ARFGEF3: variants seen among roughly 807,000 people sequenced by gnomAD.
ARFGEF3 encodes ARFGEF family member 3.
Under a neutral mutation model 221.7 loss-of-function variants are expected in ARFGEF3, and 96 were observed. That is an observed-to-expected ratio of 0.43 (90% CI 0.37 to 0.51). The LOEUF is 0.51. Among genes scored for constraint, ARFGEF3 ranks in the 20% least tolerant of loss-of-function variants. The probability of loss-of-function intolerance (pLI) is 0.00; values close to 1 mark genes in which losing one functional copy is unlikely to be tolerated. For synonymous variants in ARFGEF3, 1,145 were observed against 1,126.8 expected (o/e 1.02, Z -0.32); for missense variants, 2,410 against 2,789.9 (o/e 0.86, Z 3.07).
At chr6:138,174,425 A>G (rs1322385017) in intron 2 of ARFGEF3, among the ~76,000 whole-genome samples, 1 of 128,660 alleles carries the variant, frequency 7.8e-6, no homozygotes, top group Non-Finnish European at 1.6e-5. Flanking sequence ...TTACTCTGTT[A>G]AATCATTATG....
Position 138,230,758 on chromosome 6 carries a change from A to C in ARFGEF3, c.420+906A>C, listed in dbSNP as rs114460523. ...AGCCAATCAGCTGACCTCTCATTAC[A>C]ATACAAGTCACTTTTAAAATATGGA... On this transcript the variant is annotated intron_variant, in intron 5 of 33. Transcript: ENST00000251691. Among the ~76,000 whole-genome samples the C allele has an allele frequency of 1.7e-3, 260 of 152,358 alleles. 1 individual carries two copies. The highest frequency in any genetic ancestry group is 6.1e-3 in the African/African-American group (253 of 41,580).
At chr6:138,301,570 G>A (rs1350813904) in intron 22 of ARFGEF3, among the ~76,000 whole-genome samples, 1 of 152,184 alleles carries the variant, frequency 6.6e-6, no homozygotes, top group Non-Finnish European at 1.5e-5. Context: ...TTTGTAGTGA[G>A]TAGTGTACTA....
Position 138,334,178 on chromosome 6 carries a change from T to C in ARFGEF3, c.5332T>C (p.Tyr1778His). The change falls in exon 33 of 34, where the codon TAT becomes CAT. Residue 1778 changes from tyrosine to histidine, a missense_variant. By Grantham distance (83) the Tyr-to-His change is moderately conservative. Coordinates refer to ENST00000251691, the MANE Select transcript of ARFGEF3 (RefSeq NM_020340.5). This position sits in a 1 kb window ranked among gnomAD's most constrained non-coding sequence, Gnocchi z 5.1. ...AVIFDLLLDS[Y>H]RTAREFDTSP... The stretch of plus-strand genomic sequence containing the variant: ...CATATTCGACCTGCTGCTGGACTCT[T>C]ATAGGACTGCCAGGGAGTTTGACAC... The C allele has an allele frequency of 6.2e-7, 1 of 1,613,762 alleles. No homozygotes were observed.
chr6:138,245,652 G>A, intron 8 of ARFGEF3, 61 bp downstream of exon 8: 3 of 1,212,396 alleles, frequency 2.5e-6, no homozygotes, highest in Non-Finnish European at 3.6e-6. Flanking sequence ...AATAACCTTT[G>A]TCTGCAGCAT....
chr6:138,277,745 T>C (rs1001002383), intron 12 of ARFGEF3, among the ~76,000 whole-genome samples: 2 of 152,202 alleles, frequency 1.3e-5, no homozygotes, highest in Non-Finnish European at 2.9e-5. Context: ...GATTTTATAG[T>C]GGTGATGGCA....
At chr6:138,166,083 C>T (rs549438047) in intron 1 of ARFGEF3, among the ~76,000 whole-genome samples, 2 of 152,302 alleles carry the variant, frequency 1.3e-5, no homozygotes, top group Admixed American at 1.3e-4. Context: ...AATGGATACT[C>T]GTCAATCAAA....
intron 11 of ARFGEF3, 50 bp downstream of exon 11, chr6:138,261,689 CTT>C (rs1250704175): frequency 9.3e-7 from 1 of 1,077,592 alleles, no homozygotes; most frequent in Non-Finnish European, 1.3e-6. Context: ...TTTCTGAAGA[CTT>C]TTAACCTTGC....
intron 5 of ARFGEF3, among the ~76,000 whole-genome samples, chr6:138,236,262 T>A (rs1418379280): frequency 2.0e-5 from 3 of 152,184 alleles, no homozygotes; most frequent in African/African-American, 7.2e-5. Context: ...AACTCCCCCA[T>A]AAATTTAAAA....
intron 7 of ARFGEF3, among the ~76,000 whole-genome samples, chr6:138,244,089 A>G (rs1583029176): frequency 6.6e-6 from 1 of 152,340 alleles, no homozygotes; most frequent in East Asian, 1.9e-4. Flanking sequence ...AGTAGTAAAA[A>G]ATTGACAGAG....
chr6:138,183,807 G>A (rs754866913), intron 2 of ARFGEF3, among the ~76,000 whole-genome samples: 3 of 152,200 alleles, frequency 2.0e-5, no homozygotes, highest in Non-Finnish European at 2.9e-5. Flanking sequence ...AGATGGAAAC[G>A]GGAAGGTAGG....
intron 2 of ARFGEF3, among the ~76,000 whole-genome samples, chr6:138,194,084 A>G (rs1010421632): frequency 5.3e-5 from 8 of 152,132 alleles, no homozygotes; most frequent in South Asian, 2.1e-4. Flanking sequence ...CCTGAACAAC[A>G]TGATGAAACC....
At chr6:138,330,128 G>A (rs1007753009) in intron 32 of ARFGEF3, among the ~76,000 whole-genome samples, 1 of 152,158 alleles carries the variant, frequency 6.6e-6, no homozygotes, top group Non-Finnish European at 1.5e-5. Flanking sequence ...GTGGTGGAAT[G>A]TCATCAGTTA....
intron 2 of ARFGEF3, among the ~76,000 whole-genome samples, chr6:138,180,544 T>C (rs1777057849): frequency 6.6e-6 from 1 of 152,110 alleles, no homozygotes; most frequent in African/African-American, 2.4e-5. Flanking sequence ...TGTAACTGAG[T>C]TTTGGCCCTG....
intron 2 of ARFGEF3, among the ~76,000 whole-genome samples, chr6:138,175,208 G>A: frequency 6.6e-6 from 1 of 152,172 alleles, no homozygotes; most frequent in East Asian, 1.9e-4. Context: ...CAGGGAGGGA[G>A]GCAGGTCCAG....
At chr6:138,179,079 G>A (rs571915384) in intron 2 of ARFGEF3, among the ~76,000 whole-genome samples, 1 of 152,272 alleles carries the variant, frequency 6.6e-6, no homozygotes, top group South Asian at 2.1e-4. Context: ...TGGCCACCCT[G>A]GAAGAGGCAT....
intron 22 of ARFGEF3, among the ~76,000 whole-genome samples, chr6:138,304,999 A>G (rs998405243): frequency 6.6e-6 from 1 of 152,068 alleles, no homozygotes; most frequent in Non-Finnish European, 1.5e-5. Context: ...CATGTTTTCC[A>G]TGACTGTTAT....
chr6:138,239,850 A>G (rs921127930), intron 6 of ARFGEF3, among the ~76,000 whole-genome samples: 5 of 152,106 alleles, frequency 3.3e-5, no homozygotes, highest in African/African-American at 4.8e-5. Context: ...TTTTTTCCTC[A>G]TTTATAGATG....
chr6:138,283,317 A>G (rs1779230520), intron 14 of ARFGEF3, among the ~76,000 whole-genome samples: 1 of 152,360 alleles, frequency 6.6e-6, no homozygotes, highest in African/African-American at 2.4e-5. Flanking sequence ...CATTCAGTAC[A>G]TGTAAAATGA....
At chr6:138,233,543 G>GT (rs909697284) in intron 5 of ARFGEF3, among the ~76,000 whole-genome samples, 11 of 152,018 alleles carry the variant, frequency 7.2e-5, no homozygotes, top group South Asian at 4.2e-4. Flanking sequence ...CACCTGGCTA[G>GT]TTTTTTTGTA....
Sources: allele counts gnomAD v4.1 joint callset (sites outside exome capture counted in the v4.1 genomes callset), GRCh38; gene constraint gnomAD v4.1.1; non-coding constraint Gnocchi (gnomAD v3.1); transcripts MANE v1.5; gene names NCBI Gene and HGNC (gene_info 2026-07-23, HGNC 2026-07-21).